Variants in FAM114A1 observed in about 807,000 individuals in gnomAD.
The protein encoded by FAM114A1 is family with sequence similarity 114 member A1, also known as protein NOXP20.
Under a neutral mutation model 64.3 loss-of-function variants are expected in FAM114A1, and 62 were observed. The ratio of observed to expected loss-of-function variants is 0.96; its 90% CI spans 0.79 to 1.19. The LOEUF is 1.19. Ranked by LOEUF, FAM114A1 falls within the 50% of genes most tolerant of loss-of-function variation. The pLI is 0.00. For synonymous variants in FAM114A1, 254 were observed against 251.1 expected, an observed-to-expected ratio of 1.01 and a Z score of -0.11; for missense variants, 645 against 676.3, an observed-to-expected ratio of 0.95 and a Z score of 0.51.
intron 2 of FAM114A1, among the ~76,000 whole-genome samples, chr4:38,870,619 G>T (rs1398749931): frequency 2.6e-5 from 4 of 152,190 alleles, no homozygotes; most frequent in Non-Finnish European, 5.9e-5. Context: ...GTTTCCTGAA[G>T]CAGCCTCCTT....
chr4:38,939,836 C>T lies in FAM114A1; in HGVS notation c.1537-1132C>T, dbSNP rs60291293. Among the ~76,000 whole-genome samples, 1,434 of 151,418 alleles carry T rather than the reference C, an allele frequency of 9.5e-3. 29 individuals are homozygous for T. Among genetic ancestry groups the T allele is most frequent in the African/African-American group, 0.033 (1,371 of 41,282 alleles). ...CAGAGAAGACTATTGATTGATAGAC[C>T]GATAGCATAAGCAAAGATAATGATA... On this transcript the variant is annotated intron_variant, in intron 13 of 14. Coordinates refer to ENST00000358869, the MANE Select transcript of FAM114A1 (RefSeq NM_138389.4).
At chr4:38,870,483 G>A (rs1713938018) in intron 2 of FAM114A1, among the ~76,000 whole-genome samples, 1 of 152,208 alleles carries the variant, frequency 6.6e-6, no homozygotes, top group Admixed American at 6.5e-5. Flanking sequence ...GAGCTGTGAT[G>A]TTGCTGCTTA....
chr4:38,888,679 G>T (rs1477227361), intron 3 of FAM114A1, among the ~76,000 whole-genome samples: 1 of 152,204 alleles, frequency 6.6e-6, no homozygotes, highest in Admixed American at 6.5e-5. Context: ...TGGGGAGCAG[G>T]CAGGAAGCTG....
intron 3 of FAM114A1, among the ~76,000 whole-genome samples, chr4:38,879,520 T>C (rs1489773624): frequency 4.6e-5 from 7 of 152,188 alleles, no homozygotes; most frequent in African/African-American, 1.7e-4. Flanking sequence ...GTTTTATGAC[T>C]CCTGTATTCA....
At chr4:38,892,009 C>G (rs1482929266) in intron 4 of FAM114A1, among the ~76,000 whole-genome samples, 179 bp downstream of exon 4, 3 of 152,174 alleles carry the variant, frequency 2.0e-5, no homozygotes, top group Non-Finnish European at 4.4e-5. Context: ...CAAAATAACC[C>G]TATATGGAGG....
rs116352210 is a variant in FAM114A1, at chr4:38,887,220, C to G, written c.349-4523C>G. Reference sequence around the variant, plus strand: ...AATGTTTAATTGGGTTTAAACAATTCGTGTTCCATCTATGAAGATGACAAA... The same window carrying G: ...AATGTTTAATTGGGTTTAAACAATTGGTGTTCCATCTATGAAGATGACAAA... On this transcript the variant is annotated intron_variant, in intron 3 of 14. Coordinates refer to ENST00000358869, the MANE Select transcript of FAM114A1 (RefSeq NM_138389.4). 7.2e-5 allele frequency among the ~76,000 whole-genome samples: 11 copies of G among 152,254 alleles called. No homozygotes were observed. The East Asian group carries it at 2.1e-3, about 29-fold the overall frequency.
At chr4:38,877,977 AAAG>A (rs1714822163) in intron 2 of FAM114A1, 91 bp from the exon 3 acceptor site, 333 of 1,115,044 alleles carry the variant, frequency 3.0e-4, no homozygotes, top group South Asian at 1.7e-3. Context: ...AAAAAAAAAA[AAAG>A]TTTTCCCCTA....
intron 4 of FAM114A1, among the ~76,000 whole-genome samples, chr4:38,903,747 G>A (rs1717726213): frequency 6.6e-6 from 1 of 152,068 alleles, no homozygotes; most frequent in Non-Finnish European, 1.5e-5. Flanking sequence ...ATTTTTTCAA[G>A]TAACTCAGTA....
chr4:38,883,873 G>A (rs912037235), intron 3 of FAM114A1, among the ~76,000 whole-genome samples: 9 of 152,198 alleles, frequency 5.9e-5, no homozygotes, highest in African/African-American at 2.2e-4. Context: ...CAACCAGGTG[G>A]ATGGAGGTGC....
At position 38,905,984 on chromosome 4, in the gene FAM114A1, TG is replaced by T. The variant is rs141494540; in HGVS notation, c.657+125del. ...TGGCCTTGCTCAGAACTTTGGATTATGGTTTTTTTTTTAATGTTTTCTGCTA... is the reference window on the plus strand; with the variant it reads ...TGGCCTTGCTCAGAACTTTGGATTATGTTTTTTTTTTAATGTTTTCTGCTA... On this transcript the variant is annotated intron_variant, in intron 6 of 14. Transcript: ENST00000358869. 1.1e-4 allele frequency: 89 copies of T among 824,018 alleles called. No individual in the cohort carries two copies. The South Asian group carries it at 1.1e-3, about 10-fold the overall frequency. 51.0% of individuals were successfully genotyped at this position (824,018 alleles called of 1,614,324 possible). A position where few individuals can be genotyped will look rare whatever the true frequency, so the allele number is the denominator to read the frequency against.
At chr4:38,916,812 A>T (rs1202951749) in intron 8 of FAM114A1, among the ~76,000 whole-genome samples, 1 of 152,134 alleles carries the variant, frequency 6.6e-6, no homozygotes, top group Non-Finnish European at 1.5e-5. Flanking sequence ...TATAATAATT[A>T]AAAAATATAT....
intron 8 of FAM114A1, among the ~76,000 whole-genome samples, chr4:38,921,450 G>A (rs1010431858): frequency 6.6e-6 from 1 of 152,142 alleles, no homozygotes; most frequent in African/African-American, 2.4e-5. Context: ...TTATAGAGAT[G>A]GGGTCTCACT....
At chr4:38,868,905 A>G (rs1352182020) in intron 2 of FAM114A1, among the ~76,000 whole-genome samples, 1 of 152,132 alleles carries the variant, frequency 6.6e-6, no homozygotes, top group Non-Finnish European at 1.5e-5. Context: ...TAAACTTCTT[A>G]CATTGTAACC....
chr4:38,883,999 A>T (rs1189902538), intron 3 of FAM114A1, among the ~76,000 whole-genome samples: 2 of 152,202 alleles, frequency 1.3e-5, no homozygotes, highest in East Asian at 3.8e-4. Flanking sequence ...TAGGCACAAG[A>T]TCATAGTGGA....
intron 2 of FAM114A1, among the ~76,000 whole-genome samples, chr4:38,870,064 G>A (rs750268747): frequency 5.3e-5 from 8 of 152,216 alleles, no homozygotes; most frequent in Non-Finnish European, 1.0e-4. Context: ...TGTAAGCACA[G>A]TGAGGATCAA....
intron 3 of FAM114A1, among the ~76,000 whole-genome samples, chr4:38,880,515 A>T (rs569491186): frequency 6.6e-6 from 1 of 152,310 alleles, no homozygotes; most frequent in South Asian, 2.1e-4. Flanking sequence ...AGGAAGTAAA[A>T]GTGGGACATT....
intron 13 of FAM114A1, among the ~76,000 whole-genome samples, chr4:38,939,493 G>A (rs896018271): frequency 2.6e-5 from 4 of 151,918 alleles, no homozygotes; most frequent in Admixed American, 1.3e-4. Context: ...TTATATTTTA[G>A]AGGTTTATTG....
At chr4:38,914,898 A>T in intron 7 of FAM114A1, 23 bp from the exon 8 acceptor site, 1 of 1,611,710 alleles carries the variant, frequency 6.2e-7, no homozygotes, top group Non-Finnish European at 8.5e-7. Context: ...CATCCAGAGT[A>T]CAAACATTGT....
chr4:38,917,253 G>A (rs1473538627), intron 8 of FAM114A1, among the ~76,000 whole-genome samples: 3 of 151,954 alleles, frequency 2.0e-5, no homozygotes, highest in Non-Finnish European at 4.4e-5. Context: ...CAGGAGAATC[G>A]CCTGAACCTG....
Sources: allele counts gnomAD v4.1 joint callset (sites outside exome capture counted in the v4.1 genomes callset), GRCh38; gene constraint gnomAD v4.1.1; transcripts MANE v1.5; gene names NCBI Gene and HGNC (gene_info 2026-07-23, HGNC 2026-07-21).